SNAP25: variants seen among roughly 807,000 people sequenced by gnomAD.
The protein encoded by SNAP25 is synaptosomal-associated protein 25.
In SNAP25, 3 loss-of-function variants were observed where a neutral mutation model predicts 28.7. The observed-to-expected ratio is 0.10, with a 90% CI of 0.05 to 0.27. The LOEUF (loss-of-function observed/expected upper bound fraction) is 0.27. SNAP25 is among the 10% of genes least tolerant of loss of function. The pLI is 1.00. For missense variants in SNAP25, 117 were observed against 278.7 expected, an observed-to-expected ratio of 0.42 and a Z score of 4.13; for synonymous variants, 61 against 88.1, an observed-to-expected ratio of 0.69 and a Z score of 1.72.
chr20:10,300,864 G>C (rs2064219427), intron 7 of SNAP25, among the ~76,000 whole-genome samples: 1 of 152,052 alleles, frequency 6.6e-6, no homozygotes, highest in African/African-American at 2.4e-5. Context: ...ATAGATATTA[G>C]AATAATAATG....
rs751367655 is a variant in SNAP25 at position 10,277,737 on chromosome 20, A to G, written c.114+11A>G. 4 of 1,612,524 alleles carry G rather than the reference A, an allele frequency of 2.5e-6. No homozygotes were observed. In the South Asian group the frequency reaches 4.4e-5, roughly 18 times the overall value. ...CAACTGGTTGAAGAGGTAAGAAGTG[A>G]CAGTATTTTAAGATAAAGGAACAAA... On this transcript the variant is annotated intron_variant, in intron 3 of 7. Coordinates refer to ENST00000254976, the MANE Select transcript of SNAP25 (RefSeq NM_130811.4).
At chr20:10,280,816 T>C (rs532690275) in intron 3 of SNAP25, among the ~76,000 whole-genome samples, 1 of 152,298 alleles carries the variant, frequency 6.6e-6, no homozygotes, top group Non-Finnish European at 1.5e-5. Context: ...TGCCAACTTA[T>C]CTTTCAAGAC....
At chr20:10,286,304 G>T (rs2063877397) in intron 4 of SNAP25, among the ~76,000 whole-genome samples, 1 of 152,138 alleles carries the variant, frequency 6.6e-6, no homozygotes, top group South Asian at 2.1e-4. Flanking sequence ...GTCCCCTGGG[G>T]AGCAAATGCC....
intron 1 of SNAP25, among the ~76,000 whole-genome samples, chr20:10,264,199 G>A (rs571392670): frequency 6.6e-5 from 10 of 152,126 alleles, no homozygotes; most frequent in Admixed American, 2.0e-4. Context: ...AGCAGAGGCC[G>A]CTTTTCACGA....
intron 7 of SNAP25, among the ~76,000 whole-genome samples, chr20:10,301,301 A>G (rs1036990566): frequency 6.6e-6 from 1 of 152,204 alleles, no homozygotes; most frequent in African/African-American, 2.4e-5. Flanking sequence ...GTGGATGGAT[A>G]ATGACTATTT....
intron 6 of SNAP25, 136 bp downstream of exon 6, chr20:10,297,186 C>A (rs1432377350): frequency 5.9e-6 from 7 of 1,186,664 alleles, no homozygotes; most frequent in Non-Finnish European, 7.8e-6. Context: ...CTTTTCTAAG[C>A]CTTTCCTGGA....
At chr20:10,238,720 G>A (rs897794937) in intron 1 of SNAP25, among the ~76,000 whole-genome samples, 2 of 152,078 alleles carry the variant, frequency 1.3e-5, no homozygotes, top group South Asian at 4.1e-4. Context: ...GACCAGCCTG[G>A]CCAGCATAGT....
At chr20:10,256,493 C>T (rs1418908716) in intron 1 of SNAP25, among the ~76,000 whole-genome samples, 2 of 151,864 alleles carry the variant, frequency 1.3e-5, no homozygotes. Flanking sequence ...GAACTTTTAA[C>T]TCATTTTGGA....
chr20:10,277,800 T>G, intron 3 of SNAP25, 74 bp downstream of exon 3: 1 of 1,385,318 alleles, frequency 7.2e-7, no homozygotes, highest in South Asian at 1.2e-5. Context: ...GTTGCTATGA[T>G]GTTTCCTTGG....
At chr20:10,299,820 A>G (rs1369110798) in intron 7 of SNAP25, among the ~76,000 whole-genome samples, 2 of 152,212 alleles carry the variant, frequency 1.3e-5, no homozygotes, top group Non-Finnish European at 2.9e-5. Context: ...TAGATAAGGA[A>G]AGATCTCAAG....
At chr20:10,299,179 G>A in intron 6 of SNAP25, 89 bp from the exon 7 acceptor site, 1 of 1,446,896 alleles carries the variant, frequency 6.9e-7, no homozygotes. Context: ...GATGCCCAGA[G>A]GACGACAGAT....
At chr20:10,297,179 T>C in intron 6 of SNAP25, 129 bp downstream of exon 6, 1 of 1,210,278 alleles carries the variant, frequency 8.3e-7, no homozygotes, top group Non-Finnish European at 1.1e-6. Flanking sequence ...AAGTGTTCTT[T>C]TCTAAGCCTT....
chr20:10,260,477 G>A (rs2063391199), intron 1 of SNAP25, among the ~76,000 whole-genome samples: 1 of 151,808 alleles, frequency 6.6e-6, no homozygotes, highest in Admixed American at 6.5e-5. Flanking sequence ...GGTTCTTAAA[G>A]TGCATTCCCT....
chr20:10,294,036 G>A (rs953612801), intron 5 of SNAP25, among the ~76,000 whole-genome samples: 1 of 152,168 alleles, frequency 6.6e-6, no homozygotes, highest in African/African-American at 2.4e-5. Context: ...GGTTATAAAG[G>A]TTTGCAATGG....
At chr20:10,285,440 T>A (rs6077722) in intron 4 of SNAP25, among the ~76,000 whole-genome samples, 19,691 of 152,218 alleles carry the variant, frequency 0.13, 1,414 homozygotes, top group Admixed American at 0.19. Context: ...TTCATCTCAA[T>A]GTATCTAGCC....
At chr20:10,291,223 G>T (rs2063991242) in intron 4 of SNAP25, among the ~76,000 whole-genome samples, 1 of 152,086 alleles carries the variant, frequency 6.6e-6, no homozygotes, top group Non-Finnish European at 1.5e-5. Context: ...ACAGGCGCAT[G>T]CCACCACGCC....
chr20:10,220,714 T>C (rs548911680), intron 1 of SNAP25, among the ~76,000 whole-genome samples: 1 of 152,184 alleles, frequency 6.6e-6, no homozygotes, highest in Admixed American at 6.5e-5. Flanking sequence ...CAAAAAAGAG[T>C]AACAGCGTCA....
At chr20:10,294,989 T>G (rs2064079190) in intron 5 of SNAP25, among the ~76,000 whole-genome samples, 1 of 152,218 alleles carries the variant, frequency 6.6e-6, no homozygotes, top group Admixed American at 6.5e-5. Context: ...GATTCTGATG[T>G]TCTAATGAAA....
chr20:10,240,834 G>A (rs904499907), intron 1 of SNAP25, among the ~76,000 whole-genome samples: 1 of 152,192 alleles, frequency 6.6e-6, no homozygotes, highest in Admixed American at 6.5e-5. Context: ...CAGAGCCCTG[G>A]AAGAGCAGGC....
Sources: gnomAD v4.1 joint callset for allele counts (sites outside exome capture counted in the v4.1 genomes callset) on GRCh38, gnomAD v4.1.1 for gene constraint, MANE v1.5 for transcripts, NCBI Gene and HGNC (gene_info 2026-07-23, HGNC 2026-07-21) for gene names.